The following SLC38A6 variants were observed in gnomAD, a reference collection of about 807,000 sequenced individuals.
SLC38A6 encodes solute carrier family 38 member 6.
A neutral mutation model predicts 65.0 loss-of-function variants in SLC38A6; 73 were observed. The ratio of observed to expected loss-of-function variants is 1.12; its 90% CI spans 0.93 to 1.37. The LOEUF (loss-of-function observed/expected upper bound fraction) is 1.37, where lower values mean the gene tolerates loss of function less well. SLC38A6 is among the 40% of genes most tolerant of loss of function. SLC38A6 has a pLI of 0.00. For missense variants in SLC38A6, 561 were observed against 531.1 expected, an observed-to-expected ratio of 1.06 and a Z score of -0.55; for synonymous variants, 183 against 178.8, an observed-to-expected ratio of 1.02 and a Z score of -0.19.
At chr14:60,981,515 G>T (rs1434400067) in intron 1 of SLC38A6, 133 bp downstream of exon 1, 3 of 1,533,976 alleles carry the variant, frequency 2.0e-6, no homozygotes, top group Non-Finnish European at 2.6e-6. Flanking sequence ...GGGGGATGGG[G>T]TCTGAAGGCA....
At position 61,069,474 on chromosome 14, in the gene SLC38A6, G is replaced by A. The variant is rs75952921; in HGVS notation, c.1291-9336G>A. 5.8e-3 allele frequency among the ~76,000 whole-genome samples: 886 copies of A among 152,050 alleles called. 9 individuals carry two copies. Among genetic ancestry groups the A allele is most frequent in the Non-Finnish European group, 7.1e-3 (480 of 67,978 alleles). On this transcript the variant is annotated intron_variant, in intron 15 of 16. Coordinates refer to the SLC38A6 transcript ENST00000354886. ...GTATGTTCTACAATACCCTTAAACT[G>A]TTTTTTCTGTCTAGCACTTGATTTG...
Position 61,080,869 on chromosome 14 carries a change from A to T in SLC38A6, c.1408+1942A>T, listed in dbSNP as rs191369405. Among the ~76,000 whole-genome samples, 97 of 152,268 alleles carry T rather than the reference A, an allele frequency of 6.4e-4. 1 individual carries two copies. The highest frequency in any genetic ancestry group is 6.0e-3 in the Admixed American group (91 of 15,288). ...CAGACAGCTCTCGGCACCTGGTTCA[A>T]ATTTAAGGCTCATTTACACATGATG... On this transcript the variant is annotated intron_variant, in intron 16 of 16. Transcript: ENST00000354886.
intron 10 of SLC38A6, 118 bp from the exon 11 acceptor site, chr14:61,045,228 A>G (rs1015890499): frequency 1.5e-6 from 1 of 660,638 alleles, no homozygotes; most frequent in Admixed American, 2.8e-5. Flanking sequence ...AAGACTCATT[A>G]AAGATGAAAT....
At chr14:61,049,449 CT>C (rs1349692575) in intron 12 of SLC38A6, among the ~76,000 whole-genome samples, 19 of 152,122 alleles carry the variant, frequency 1.2e-4, no homozygotes. Flanking sequence ...CTCAGTAACC[CT>C]ATAGTTTAGT....
chr14:61,023,059 CA>C (rs745908009), intron 5 of SLC38A6, among the ~76,000 whole-genome samples: 2 of 151,998 alleles, frequency 1.3e-5, no homozygotes, highest in African/African-American at 4.8e-5. Context: ...GAGAAGAGCT[CA>C]ATAAGTAGTA....
intron 1 of SLC38A6, chr14:60,981,610 G>A (rs2037027088): frequency 1.3e-6 from 2 of 1,481,508 alleles, no homozygotes; most frequent in African/African-American, 1.4e-5. Context: ...GAAAAGCGTC[G>A]GGTGGAAGAG....
At chr14:61,008,724 T>C (rs1279376963) in intron 3 of SLC38A6, among the ~76,000 whole-genome samples, 1 of 152,196 alleles carries the variant, frequency 6.6e-6, no homozygotes, top group African/African-American at 2.4e-5. Context: ...TGGAATACTC[T>C]TTTATGATGA....
intron 13 of SLC38A6, among the ~76,000 whole-genome samples, 159 bp downstream of exon 13, chr14:61,050,795 C>T (rs576867388): frequency 1.6e-4 from 24 of 152,174 alleles, no homozygotes; most frequent in South Asian, 6.2e-4. Flanking sequence ...CATATGGCCC[C>T]GTAAAAGCAT....
chr14:61,061,393 T>G (rs1172679963), intron 15 of SLC38A6, among the ~76,000 whole-genome samples: 1 of 152,212 alleles, frequency 6.6e-6, no homozygotes, highest in African/African-American at 2.4e-5. Context: ...ACCTGAAGTT[T>G]TCTTTTTTTA....
chr14:60,986,263 A>T (rs574684856), intron 3 of SLC38A6, among the ~76,000 whole-genome samples: 25 of 152,350 alleles, frequency 1.6e-4, no homozygotes, highest in South Asian at 4.1e-4. Flanking sequence ...CTTTTTATAC[A>T]CAGAGAGCTC....
chr14:61,050,512 A>T lies in SLC38A6; in HGVS notation c.926A>T (p.Asp309Val). Reference sequence around the variant, plus strand: ...GTGATCCTTATTATTTTATTTACAGACAAAGTGGAGTCAGAATTACTAAAA... The same window carrying T: ...GTGATCCTTATTATTTTATTTACAGTCAAAGTGGAGTCAGAATTACTAAAA... ...SALFGYLTFY[D>V]KVESELLKGY... Residue 309 changes from aspartate (D) to valine (V), a missense_variant and splice_region_variant, in exon 13 of 16, where the codon GAC becomes GTC. Physicochemically the swap from Asp to Val is radical, Grantham distance 152 (BLOSUM62 -3). Coordinates refer to ENST00000267488, the MANE Select transcript of SLC38A6 (RefSeq NM_153811.3). 6.6e-7 allele frequency: 1 copy of T among 1,511,058 alleles called. No homozygotes were observed. Among genetic ancestry groups the T allele is most frequent in the Non-Finnish European group, 9.1e-7 (1 of 1,104,364 alleles). The allele number at this position is 1,511,058 out of a possible 1,614,324, so 93.6% of individuals were successfully genotyped here. A position where few individuals can be genotyped will look rare whatever the true frequency, so the allele number is the denominator to read the frequency against.
chr14:61,074,847 T>C (rs951989741), intron 15 of SLC38A6, among the ~76,000 whole-genome samples: 2 of 152,052 alleles, frequency 1.3e-5, no homozygotes, highest in African/African-American at 4.8e-5. Context: ...TTAATGTCTT[T>C]TTTTTTTTGG....
At chr14:61,082,944 TCCTCTCA>T (rs2043714881) in intron 16 of SLC38A6, among the ~76,000 whole-genome samples, 1 of 152,180 alleles carries the variant, frequency 6.6e-6, no homozygotes, top group African/African-American at 2.4e-5. Context: ...TTTCTCAGTG[TCCTCTCA>T]CCTTTGAACA....
chr14:61,080,245 C>T (rs1431360659), intron 16 of SLC38A6, among the ~76,000 whole-genome samples: 2 of 152,222 alleles, frequency 1.3e-5, no homozygotes, highest in Non-Finnish European at 2.9e-5. Flanking sequence ...CACCCACCCA[C>T]TATACACACC....
chr14:60,983,591 A>T (rs918380727), intron 2 of SLC38A6, among the ~76,000 whole-genome samples: 2 of 152,184 alleles, frequency 1.3e-5, no homozygotes, highest in African/African-American at 4.8e-5. Context: ...AAGCAGATCT[A>T]TTTACTAGGA....
intron 5 of SLC38A6, among the ~76,000 whole-genome samples, chr14:61,024,581 G>A (rs895319089): frequency 1.1e-4 from 16 of 152,238 alleles, no homozygotes; most frequent in Non-Finnish European, 1.5e-5. Flanking sequence ...AATAACTGTA[G>A]TAGAAAGTAA....
chr14:61,029,303 A>G (rs920208974), intron 5 of SLC38A6, among the ~76,000 whole-genome samples: 2 of 151,942 alleles, frequency 1.3e-5, no homozygotes, highest in Admixed American at 6.6e-5. Context: ...ATTGCAGGCA[A>G]CTGCCACCAC....
intron 15 of SLC38A6, among the ~76,000 whole-genome samples, chr14:61,061,981 G>A (rs2042860269): frequency 6.6e-6 from 1 of 152,004 alleles, no homozygotes; most frequent in Non-Finnish European, 1.5e-5. Flanking sequence ...GGGATTACAG[G>A]CACCCACCAC....
At chr14:61,055,141 AG>A (rs2042669909), downstream of SLC38A6, among the ~76,000 whole-genome samples, 1 of 80,692 alleles carries the variant, frequency 1.2e-5, no homozygotes, top group Admixed American at 1.4e-4. Flanking sequence ...TTATACTCTA[AG>A]TTTTAGGGTA....
Sources: gnomAD v4.1 joint callset for allele counts (sites outside exome capture counted in the v4.1 genomes callset) on GRCh38, gnomAD v4.1.1 for gene constraint, MANE v1.5 for transcripts, NCBI Gene and HGNC (gene_info 2026-07-23, HGNC 2026-07-21) for gene names.